ADARB2: variants seen among roughly 807,000 people sequenced by gnomAD.
ADARB2 encodes the protein adenosine deaminase RNA specific B2 (inactive), also known as inactive double-stranded RNA-specific editase B2.
Under a neutral mutation model 62.2 loss-of-function variants are expected in ADARB2, and 25 were observed. The observed-to-expected ratio is 0.40, with a 90% CI of 0.29 to 0.56. ADARB2 has a LOEUF of 0.56. Ranked by LOEUF, ADARB2 falls within the 20% of genes least tolerant of loss-of-function variation. The probability of loss-of-function intolerance (pLI) is 0.43; values close to 1 mark genes in which losing one functional copy is unlikely to be tolerated. For missense variants in ADARB2, 1,071 were observed against 1,077.4 expected (o/e 0.99, Z 0.08); for synonymous variants, 572 against 500.8 (o/e 1.14, Z -1.90).
At position 1,200,066 on chromosome 10, in the gene ADARB2, G is replaced by T; in HGVS notation, c.1764C>A (p.Ser588Arg). 1.9e-6 allele frequency: 3 copies of T among 1,587,338 alleles called. No individual in the cohort carries two copies. The highest frequency in any genetic ancestry group is 2.6e-6 in the Non-Finnish European group (3 of 1,169,942). ...GTGCGAGGTGGCCCGTGTGGTGCAG[G>T]CTGCCCACCACGATGCTCTGCAGGT... is the stretch of plus-strand genomic sequence containing the variant. ...PVYLQSIVVG[S>R]LHHTGHLARV... The change falls in exon 8 of 10, where the codon AGC becomes AGA. Residue 588 changes from serine to arginine, a missense_variant. Transcript: ENST00000381312.
At chr10:1,663,922 C>T (rs1326766335) in intron 1 of ADARB2, among the ~76,000 whole-genome samples, 1 of 152,160 alleles carries the variant, frequency 6.6e-6, no homozygotes, top group African/African-American at 2.4e-5. Flanking sequence ...CTGGCCAGGT[C>T]ATTTCTTTTT....
intron 1 of ADARB2, among the ~76,000 whole-genome samples, chr10:1,622,435 A>C (rs541659410): frequency 6.6e-6 from 1 of 152,180 alleles, no homozygotes; most frequent in Non-Finnish European, 1.5e-5. Flanking sequence ...CAAGTTATAT[A>C]TCTGATAAAG....
chr10:1,310,876 G>A (rs568546448), intron 3 of ADARB2, among the ~76,000 whole-genome samples: 1 of 152,326 alleles, frequency 6.6e-6, no homozygotes, highest in African/African-American at 2.4e-5. Context: ...TGAGGTTAAA[G>A]GTTGAACTTA....
intron 1 of ADARB2, among the ~76,000 whole-genome samples, chr10:1,463,715 C>A (rs557307377): frequency 5.4e-4 from 83 of 152,300 alleles, no homozygotes; most frequent in African/African-American, 1.9e-3. Context: ...AGAACTTGTG[C>A]TCTTTGAAAT....
At chr10:1,696,597 G>A (rs1184039822) in intron 1 of ADARB2, among the ~76,000 whole-genome samples, 5 of 152,178 alleles carry the variant, frequency 3.3e-5, no homozygotes, top group African/African-American at 1.2e-4. Flanking sequence ...AGGCCTGGCA[G>A]CTGCATCCTG....
chr10:1,726,361 AATAAG>A (rs74432532), intron 1 of ADARB2, among the ~76,000 whole-genome samples: 18,018 of 151,984 alleles, frequency 0.12, 1,375 homozygotes, highest in East Asian at 0.35. Flanking sequence ...AAAGTTATCT[AATAAG>A]ATAAGACCAA....
At chr10:1,287,007 C>T (rs1280621573) in intron 3 of ADARB2, among the ~76,000 whole-genome samples, 1 of 152,096 alleles carries the variant, frequency 6.6e-6, no homozygotes, top group Admixed American at 6.6e-5. Context: ...ATTAAAGTAA[C>T]CTGTTTAAAG....
chr10:1,271,054 T>C lies in ADARB2; in HGVS notation c.1093A>G (p.Ile365Val). ...TPMPQEFADSISQLVTQKFRE... is the reference protein window; with the variant it reads ...TPMPQEFADSVSQLVTQKFRE... ...AACTTCTGTGTGACCAGCTGGGATATGGAGTCTGCGAATTCCTGAAAGACA... is the reference window on the plus strand; with the variant it reads ...AACTTCTGTGTGACCAGCTGGGATACGGAGTCTGCGAATTCCTGAAAGACA... Residue 365 changes from isoleucine (I) to valine (V), a missense_variant, in exon 4 of 10, where the codon ATA becomes GTA. Coordinates refer to ENST00000381312, the MANE Select transcript of ADARB2 (RefSeq NM_018702.4). The C allele has an allele frequency of 1.9e-6, 3 of 1,614,016 alleles. No homozygotes were observed. Among genetic ancestry groups the C allele is most frequent in the Non-Finnish European group, 8.5e-7 (1 of 1,179,988 alleles).
At chr10:1,233,630 A>G in intron 6 of ADARB2, 64 bp downstream of exon 6, 1 of 1,516,054 alleles carries the variant, frequency 6.6e-7, no homozygotes, top group South Asian at 1.3e-5. Context: ...AGCCCAGGAC[A>G]GAGTCCCAGA....
At chr10:1,358,775 G>T (rs1261222399) in intron 3 of ADARB2, among the ~76,000 whole-genome samples, 3 of 152,118 alleles carry the variant, frequency 2.0e-5, no homozygotes, top group Non-Finnish European at 1.5e-5. Context: ...GGGTGTCTTT[G>T]CCTGACATGA....
intron 1 of ADARB2, among the ~76,000 whole-genome samples, chr10:1,588,832 C>T (rs979362502): frequency 2.6e-5 from 4 of 152,128 alleles, no homozygotes; most frequent in African/African-American, 9.7e-5. Flanking sequence ...ATGACAAGAT[C>T]GATACAGATC....
At chr10:1,314,297 T>C (rs1240766323) in intron 3 of ADARB2, among the ~76,000 whole-genome samples, 1 of 152,048 alleles carries the variant, frequency 6.6e-6, no homozygotes, top group Non-Finnish European at 1.5e-5. Flanking sequence ...CCCTCGCAGG[T>C]CACCAGCCCT....
chr10:1,547,313 T>A lies in ADARB2; in HGVS notation c.101-168153A>T, dbSNP rs2012196. ...GGCTGTGCAAATCTATGTACTGTGT[T>A]GGGGGAGAGAGAGGCTGTGCAGGTG... On this transcript the variant is annotated intron_variant, in intron 1 of 9. Transcript: ENST00000381312. Among the ~76,000 whole-genome samples, 6 of 64,956 alleles carry A rather than the reference T, an allele frequency of 9.2e-5. 2 individuals carry two copies. The highest frequency in any genetic ancestry group is 5.2e-4 in the Admixed American group (3 of 5,804). The allele number at this position is 64,956 out of a possible 152,430, so 42.6% of individuals were successfully genotyped here. A position where few individuals can be genotyped will look rare whatever the true frequency, so the allele number is the denominator to read the frequency against.
chr10:1,325,645 G>A (rs777385822), intron 3 of ADARB2, among the ~76,000 whole-genome samples: 16 of 152,064 alleles, frequency 1.1e-4, no homozygotes, highest in Non-Finnish European at 2.2e-4. Flanking sequence ...TTCCAGCTCC[G>A]CCTTCCTCCT....
chr10:1,706,309 T>C (rs1446298728), intron 1 of ADARB2, among the ~76,000 whole-genome samples: 1 of 152,198 alleles, frequency 6.6e-6, no homozygotes, highest in Non-Finnish European at 1.5e-5. Flanking sequence ...GAACATTCCA[T>C]GCATGAAAAA....
At chr10:1,677,303 A>C (rs991848994) in intron 1 of ADARB2, among the ~76,000 whole-genome samples, 11 of 152,230 alleles carry the variant, frequency 7.2e-5, no homozygotes, top group African/African-American at 2.7e-4. Flanking sequence ...ATGCTTCAGC[A>C]GCAGGACTTG....
chr10:1,518,452 C>A (rs1832033531), intron 1 of ADARB2, among the ~76,000 whole-genome samples: 1 of 152,214 alleles, frequency 6.6e-6, no homozygotes, highest in Admixed American at 6.5e-5. Flanking sequence ...GCACTCCAAG[C>A]TCCTGGAAAC....
intron 1 of ADARB2, among the ~76,000 whole-genome samples, chr10:1,565,336 T>A (rs1196706932): frequency 6.6e-6 from 1 of 152,226 alleles, no homozygotes; most frequent in Non-Finnish European, 1.5e-5. Context: ...GCAACACAGA[T>A]CGAATGCGTC....
In ADARB2 at chr10:1,296,595, G is replaced by C. The variant is rs540755726; in HGVS notation, c.1078-25526C>G. ...GCCAAGTGCTCCATCACAAACGTTG[G>C]GGGAGGGCAGGGGGAAGGGGTCAGG... On this transcript the variant is annotated intron_variant, in intron 3 of 9. Coordinates refer to ENST00000381312, the MANE Select transcript of ADARB2 (RefSeq NM_018702.4). 5.3e-5 allele frequency among the ~76,000 whole-genome samples: 8 copies of C among 152,248 alleles called. No homozygotes were observed. The East Asian group carries it at 1.5e-3, about 29-fold the overall frequency.
Sources: allele counts gnomAD v4.1 joint callset (sites outside exome capture counted in the v4.1 genomes callset), GRCh38; gene constraint gnomAD v4.1.1; transcripts MANE v1.5; gene names NCBI Gene and HGNC (gene_info 2026-07-23, HGNC 2026-07-21).